BPNT2: variants seen among roughly 807,000 people sequenced by gnomAD.
BPNT2 encodes the protein 3'(2'), 5'-bisphosphate nucleotidase 2, also known as Golgi-resident adenosine 3',5'-bisphosphate 3'-phosphatase.
BPNT2 carries 11 observed loss-of-function variants against 29.3 expected under a neutral mutation model. That is an observed-to-expected ratio of 0.38 (90% CI 0.24 to 0.62). The LOEUF (loss-of-function observed/expected upper bound fraction) is 0.62. Ranked by LOEUF, BPNT2 falls within the 20% of genes least tolerant of loss-of-function variation. The pLI, the probability that BPNT2 is intolerant of heterozygous loss-of-function variation, is 0.62. For missense variants in BPNT2, 459 were observed against 473.4 expected, an observed-to-expected ratio of 0.97 and a Z score of 0.28; for synonymous variants, 195 against 187.7, an observed-to-expected ratio of 1.04 and a Z score of -0.32.
rs145405587 is a variant in BPNT2, at chr8:56,976,339, C to T, written c.646+1711G>A. 7.0e-4 allele frequency among the ~76,000 whole-genome samples: 106 copies of T among 152,298 alleles called. 1 individual carries two copies. Among genetic ancestry groups the T allele is most frequent in the African/African-American group, 2.4e-3 (99 of 41,578 alleles). On this transcript the variant is annotated intron_variant, in intron 3 of 4. Transcript: ENST00000262644. ...TGTTAGAGAAGAGAAAAATAAACTA[C>T]TTTGTATTCAACCTCATATATTTTG... is the stretch of plus-strand genomic sequence containing the variant.
At position 56,993,617 on chromosome 8, in the gene BPNT2, C is replaced by T; in HGVS notation, c.-32G>A. The T allele has an allele frequency of 7.3e-7, 1 of 1,370,260 alleles. No individual in the cohort carries two copies. Among genetic ancestry groups the T allele is most frequent in the Non-Finnish European group, 9.5e-7 (1 of 1,056,518 alleles). 84.9% of individuals were successfully genotyped at this position (1,370,260 alleles called of 1,614,324 possible). A position where few individuals can be genotyped will look rare whatever the true frequency, so the allele number is the denominator to read the frequency against. ...GGAAGCCGGGCGCTCCGGGCTGCGGCTCTCACAGGCCTCCAGCGCCCGCCG... is the reference window on the plus strand; with the variant it reads ...GGAAGCCGGGCGCTCCGGGCTGCGGTTCTCACAGGCCTCCAGCGCCCGCCG... On this transcript the variant is annotated 5_prime_UTR_variant, in exon 1 of 5. Coordinates refer to ENST00000262644, the MANE Select transcript of BPNT2 (RefSeq NM_017813.5).
Position 56,993,543 on chromosome 8 carries a change from C to G in BPNT2, c.43G>C (p.Val15Leu), listed in dbSNP as rs767591752. 31 of 1,487,440 alleles carry G rather than the reference C, an allele frequency of 2.1e-5. No homozygotes were observed. The highest frequency in any genetic ancestry group is 6.9e-5 in the Admixed American group (3 of 43,394). 92.1% of individuals were successfully genotyped at this position (1,487,440 alleles called of 1,614,324 possible). A position where few individuals can be genotyped will look rare whatever the true frequency, so the allele number is the denominator to read the frequency against. Residue 15 changes from valine to leucine, a missense_variant, in exon 1 of 5, where the codon GTG becomes CTG. By Grantham distance (32) the Val-to-Leu change is conservative. Transcript: ENST00000262644. ...ACGCCGAGCCCCAGCAGGCAAAACA[C>G]TGCCACCCCCAGTGGGGAAAGGCGG... Reference protein sequence around the residue: ...GIRLSPLGVAVFCLLGLGVLY... With the variant: ...GIRLSPLGVALFCLLGLGVLY...
At chr8:56,993,039 C>A (rs1034556107) in intron 1 of BPNT2, among the ~76,000 whole-genome samples, 160 bp downstream of exon 1, 4 of 152,214 alleles carry the variant, frequency 2.6e-5, no homozygotes, top group African/African-American at 9.6e-5. Context: ...CCTCACCCAG[C>A]TCCTCTGCTG....
intron 1 of BPNT2, among the ~76,000 whole-genome samples, chr8:56,988,209 T>G (rs1806356052): frequency 6.6e-6 from 1 of 152,268 alleles, no homozygotes; most frequent in East Asian, 1.9e-4. Flanking sequence ...GCACAGAACC[T>G]TCTCTTAGGA....
intron 1 of BPNT2, among the ~76,000 whole-genome samples, chr8:56,985,613 G>A (rs1270147674): frequency 6.6e-6 from 1 of 152,174 alleles, no homozygotes; most frequent in African/African-American, 2.4e-5. Flanking sequence ...GGTCTATGCT[G>A]ATACATAATA....
chr8:56,982,740 T>G (rs1246110406), intron 1 of BPNT2, among the ~76,000 whole-genome samples: 1 of 152,194 alleles, frequency 6.6e-6, no homozygotes, highest in East Asian at 1.9e-4. Flanking sequence ...GTGGAAGGGT[T>G]ATTCTTTAAG....
In BPNT2 at chr8:56,963,153, C is replaced by A. The variant is rs959283359; in HGVS notation, c.*640G>T. ...ACAAAACAACACACACACATACACA[C>A]AGAAATTATTACAATGCAAATCATC... On this transcript the variant is annotated 3_prime_UTR_variant, in exon 5 of 5. Transcript: ENST00000262644. 6.6e-6 allele frequency: 1 copy of A among 152,490 alleles called. No homozygotes were observed. The highest frequency in any genetic ancestry group is 1.5e-5 in the Non-Finnish European group (1 of 68,206). The allele number at this position is 152,490 out of a possible 1,614,324, so 9.4% of individuals were successfully genotyped here.
chr8:56,990,965 G>A (rs190210559), intron 1 of BPNT2, among the ~76,000 whole-genome samples: 12 of 152,304 alleles, frequency 7.9e-5, no homozygotes, highest in East Asian at 3.9e-4. Context: ...TTTCCACTAG[G>A]AAGTAAACTA....
At chr8:56,971,380 G>A (rs142982215) in intron 3 of BPNT2, among the ~76,000 whole-genome samples, 25 of 151,288 alleles carry the variant, frequency 1.7e-4, no homozygotes, top group South Asian at 4.2e-4. Context: ...AATTTCCACC[G>A]AGTGAATATA....
intron 1 of BPNT2, among the ~76,000 whole-genome samples, chr8:56,988,244 C>A (rs1393565367): frequency 6.6e-6 from 1 of 152,192 alleles, no homozygotes; most frequent in Non-Finnish European, 1.5e-5. Context: ...AACACCCCAG[C>A]CAACTTCCTT....
Position 56,963,239 on chromosome 8 carries a change from A to C in BPNT2, c.*554T>G, listed in dbSNP as rs1337441557. Reference sequence around the variant, plus strand: ...TATTAAAATTTAAAAGAAAAAATCAATTAAACTTTTTCTATTTTAATCCAT... The same window carrying C: ...TATTAAAATTTAAAAGAAAAAATCACTTAAACTTTTTCTATTTTAATCCAT... On this transcript the variant is annotated 3_prime_UTR_variant, in exon 5 of 5. Coordinates refer to ENST00000262644, the MANE Select transcript of BPNT2 (RefSeq NM_017813.5). 6.5e-6 allele frequency: 1 copy of C among 152,836 alleles called. No homozygotes were observed. The highest frequency in any genetic ancestry group is 1.5e-5 in the Non-Finnish European group (1 of 68,180). The allele number at this position is 152,836 out of a possible 1,614,324, so 9.5% of individuals were successfully genotyped here. A position where few individuals can be genotyped will look rare whatever the true frequency, so the allele number is the denominator to read the frequency against.
chr8:56,963,576 T>A lies in BPNT2; in HGVS notation c.*217A>T, dbSNP rs1805881102. Reference sequence around the variant, plus strand: ...GTGTATGACAACTGTATGAAAATAGTCTCAAAAATAAAGACAATACTTGAG... The same window carrying A: ...GTGTATGACAACTGTATGAAAATAGACTCAAAAATAAAGACAATACTTGAG... On this transcript the variant is annotated 3_prime_UTR_variant, in exon 5 of 5. Coordinates refer to ENST00000262644, the MANE Select transcript of BPNT2 (RefSeq NM_017813.5). 1.8e-6 allele frequency: 1 copy of A among 563,902 alleles called. No homozygotes were observed. Among genetic ancestry groups the A allele is most frequent in the African/African-American group, 1.9e-5 (1 of 53,454 alleles). 34.9% of individuals were successfully genotyped at this position (563,902 alleles called of 1,614,324 possible).
At chr8:56,977,001 T>G (rs1806151860) in intron 3 of BPNT2, among the ~76,000 whole-genome samples, 1 of 152,124 alleles carries the variant, frequency 6.6e-6, no homozygotes, top group African/African-American at 2.4e-5. Context: ...GAACTTTGCT[T>G]CAACCATAAA....
At chr8:56,989,392 A>G (rs1399392428) in intron 1 of BPNT2, among the ~76,000 whole-genome samples, 1 of 151,804 alleles carries the variant, frequency 6.6e-6, no homozygotes, top group Non-Finnish European at 1.5e-5. Context: ...AAAAAAAAAA[A>G]ATTCTAGCTG....
At position 56,961,122 on chromosome 8, in the gene BPNT2, C is replaced by G. The variant is rs1805825535; in HGVS notation, c.*2671G>C. 1 of 152,096 alleles carries G rather than the reference C, an allele frequency of 6.6e-6. No individual in the cohort carries two copies. The highest frequency in any genetic ancestry group is 1.5e-5 in the Non-Finnish European group (1 of 68,028). 9.4% of individuals were successfully genotyped at this position (152,096 alleles called of 1,614,324 possible). On this transcript the variant is annotated 3_prime_UTR_variant, in exon 5 of 5. Transcript: ENST00000262644. Reference sequence around the variant, plus strand: ...ACTGAGATCACTGATGTCACTGCCTCTACTAAATGTGGTGCATAAAAGTCA... The same window carrying G: ...ACTGAGATCACTGATGTCACTGCCTGTACTAAATGTGGTGCATAAAAGTCA...
chr8:56,976,811 A>G (rs764863955), intron 3 of BPNT2, among the ~76,000 whole-genome samples: 9 of 152,186 alleles, frequency 5.9e-5, no homozygotes, highest in Non-Finnish European at 1.0e-4. Flanking sequence ...TGACTGCAGT[A>G]AACGATGGTA....
intron 1 of BPNT2, among the ~76,000 whole-genome samples, chr8:56,982,791 TTATTCA>T (rs1806266459): frequency 6.6e-6 from 1 of 152,176 alleles, no homozygotes; most frequent in African/African-American, 2.4e-5. Context: ...GGCTAGGCAA[TTATTCA>T]TAATGGCTAA....
In BPNT2 at chr8:56,993,296, T is replaced by C. The variant is rs767354346; in HGVS notation, c.290A>G (p.Lys97Arg). Residue 97 changes from lysine (K) to arginine (R), a missense_variant, in exon 1 of 5, where the codon AAG becomes AGG. By Grantham distance (26) the Lys-to-Arg change is conservative (BLOSUM62 2). Transcript: ENST00000262644. ...CTTGTCCTCGGCTCCCTCGCGCGTC[T>C]TCCCCTTGGACTTCTCGTGGAGGAC... The part of the protein sequence containing the change: ...SNVLHEKSKG[K>R]TREGAEDKMT... 14 of 1,612,068 alleles carry C rather than the reference T, an allele frequency of 8.7e-6. No homozygotes were observed. In the Admixed American group the frequency reaches 2.3e-4, roughly 27 times the overall value.
chr8:56,959,328 C>T lies in BPNT2; in HGVS notation c.*4465G>A, dbSNP rs117323870. 1 of 152,220 alleles carries T rather than the reference C, an allele frequency of 6.6e-6. No homozygotes were observed. Among genetic ancestry groups the T allele is most frequent in the Non-Finnish European group, 1.5e-5 (1 of 68,018 alleles). 9.4% of individuals were successfully genotyped at this position (152,220 alleles called of 1,614,324 possible). A position where few individuals can be genotyped will look rare whatever the true frequency, so the allele number is the denominator to read the frequency against. On this transcript the variant is annotated 3_prime_UTR_variant, in exon 5 of 5. Coordinates refer to ENST00000262644, the MANE Select transcript of BPNT2 (RefSeq NM_017813.5). ...CCAATGGTAAATTGGAATGCATATA[C>T]TTGCCAGGCTTTGATGAAATAAAAA...
Sources: gnomAD v4.1 joint callset for allele counts (sites outside exome capture counted in the v4.1 genomes callset) on GRCh38, gnomAD v4.1.1 for gene constraint, MANE v1.5 for transcripts, NCBI Gene and HGNC (gene_info 2026-07-23, HGNC 2026-07-21) for gene names.